The following NCKAP5 variants were observed in gnomAD, a reference collection of about 807,000 sequenced individuals.
The protein encoded by NCKAP5 is nck-associated protein 5.
In NCKAP5, 92 loss-of-function variants were observed where a neutral mutation model predicts 167.0. That is an observed-to-expected ratio of 0.55 (90% confidence interval 0.47 to 0.66). The LOEUF is 0.66. Among genes scored for constraint, NCKAP5 ranks in the 30% least tolerant of loss-of-function variants. NCKAP5 has a pLI of 0.00. For missense variants in NCKAP5, 2,378 were observed against 2,315.0 expected, an observed-to-expected ratio of 1.03 and a Z score of -0.56; for synonymous variants, 891 against 877.4, an observed-to-expected ratio of 1.02 and a Z score of -0.27.
At chr2:133,597,669 G>A in the NCKAP5 span, among the ~76,000 whole-genome samples, 4,357 of 68,690 alleles carry the variant, frequency 0.063, 359 homozygotes, top group East Asian at 0.48. Flanking sequence ...GCAAGACTCT[G>A]TCTCAAAAAA....
intron 3 of NCKAP5, among the ~76,000 whole-genome samples, chr2:133,358,121 T>C (rs1186366981): frequency 1.3e-5 from 2 of 152,228 alleles, no homozygotes; most frequent in East Asian, 1.9e-4. Flanking sequence ...CCAATATAAG[T>C]CTGCATACAT....
At chr2:133,413,388 G>C (rs1297419775) in intron 3 of NCKAP5, among the ~76,000 whole-genome samples, 2 of 152,180 alleles carry the variant, frequency 1.3e-5, no homozygotes, top group Non-Finnish European at 2.9e-5. Context: ...CTAGGCTAAT[G>C]CTAGCCCTCA....
chr2:133,571,293 C>A (rs1455092731), upstream of NCKAP5, among the ~76,000 whole-genome samples: 1 of 152,084 alleles, frequency 6.6e-6, no homozygotes, highest in East Asian at 1.9e-4. Flanking sequence ...CCAGGTCATA[C>A]CTTCCCGAGG....
chr2:133,306,940 T>C (rs918105244), intron 3 of NCKAP5, among the ~76,000 whole-genome samples: 2 of 152,214 alleles, frequency 1.3e-5, no homozygotes, highest in African/African-American at 4.8e-5. Flanking sequence ...GCAAGCATCC[T>C]GTCATCTAGG....
intron 5 of NCKAP5, among the ~76,000 whole-genome samples, chr2:133,144,892 T>G (rs2083132175): frequency 6.6e-6 from 1 of 152,094 alleles, no homozygotes; most frequent in Admixed American, 6.6e-5. Flanking sequence ...ACAAGTCACT[T>G]TAACTCAACA....
At position 133,006,564 on chromosome 2, in the gene NCKAP5, A is replaced by T. The variant is rs369694475; in HGVS notation, c.342-12325T>A. ...GACTAAACTTGATTCTCACTGGCAA[A>T]CTCACTCTAAATCTGATTCCCATTT... is the stretch of plus-strand genomic sequence containing the variant. On this transcript the variant is annotated intron_variant, in intron 6 of 19. Transcript: ENST00000409261. Among the ~76,000 whole-genome samples, 102 of 152,114 alleles carry T rather than the reference A, an allele frequency of 6.7e-4. 1 individual carries two copies. Among genetic ancestry groups the T allele is most frequent in the Middle Eastern group, 3.4e-3 (1 of 294 alleles).
At chr2:133,368,946 GT>G (rs1262135915) in intron 3 of NCKAP5, among the ~76,000 whole-genome samples, 3 of 152,162 alleles carry the variant, frequency 2.0e-5, no homozygotes, top group African/African-American at 7.2e-5. Flanking sequence ...CTTTGAAAAG[GT>G]TAAGGTCAGG....
intron 3 of NCKAP5, among the ~76,000 whole-genome samples, chr2:133,508,805 A>G (rs1683242475): frequency 6.6e-6 from 1 of 152,260 alleles, no homozygotes; most frequent in Non-Finnish European, 1.5e-5. Flanking sequence ...AATGACAAAC[A>G]GATCTTGGAG....
chr2:133,117,841 C>T (rs777184962), intron 6 of NCKAP5: 25 of 152,178 alleles, frequency 1.6e-4, no homozygotes, highest in Non-Finnish European at 3.1e-4. Flanking sequence ...ATTCATAAGA[C>T]TCACACTGCA....
intron 6 of NCKAP5, among the ~76,000 whole-genome samples, chr2:132,999,902 A>T (rs2077724101): frequency 6.6e-6 from 1 of 152,198 alleles, no homozygotes; most frequent in Non-Finnish European, 1.5e-5. Context: ...GAAAACAAGA[A>T]GCCACTCAAG....
At chr2:133,225,114 A>G (rs1381124700) in intron 4 of NCKAP5, among the ~76,000 whole-genome samples, 1 of 152,200 alleles carries the variant, frequency 6.6e-6, no homozygotes, top group Non-Finnish European at 1.5e-5. Context: ...TATGTCTGAC[A>G]ATTAAGACAA....
In NCKAP5 at chr2:132,942,376, T is replaced by C. The variant is rs558800312; in HGVS notation, c.579+21344A>G. 2.7e-4 allele frequency among the ~76,000 whole-genome samples: 41 copies of C among 152,228 alleles called. No homozygotes were observed. In the Middle Eastern group the frequency reaches 0.01, roughly 38 times the overall value. ...GTCTCTGATTCTGTGGGGCTGAGGT[T>C]GGGCCTGAGACTCTGCATTTCTGAC... On this transcript the variant is annotated intron_variant, in intron 8 of 19. Coordinates refer to ENST00000409261, the MANE Select transcript of NCKAP5 (RefSeq NM_207363.3).
At chr2:132,862,163 A>G (rs1382641659) in intron 10 of NCKAP5, among the ~76,000 whole-genome samples, 4 of 152,234 alleles carry the variant, frequency 2.6e-5, no homozygotes, top group East Asian at 3.9e-4. Context: ...TAGGAGTCAC[A>G]GAGTTACCTG....
chr2:133,107,123 C>T (rs949088593), intron 6 of NCKAP5, among the ~76,000 whole-genome samples: 3 of 152,150 alleles, frequency 2.0e-5, no homozygotes, highest in Non-Finnish European at 2.9e-5. Context: ...ATCATCTAAA[C>T]GCTCTTCTGC....
At chr2:133,368,747 T>C (rs188324013) in intron 3 of NCKAP5, among the ~76,000 whole-genome samples, 6 of 152,332 alleles carry the variant, frequency 3.9e-5, no homozygotes, top group Admixed American at 2.6e-4. Context: ...TAACAAACAT[T>C]ACAAGATGCT....
At chr2:133,000,940 G>A (rs191148726) in intron 6 of NCKAP5, among the ~76,000 whole-genome samples, 2 of 152,254 alleles carry the variant, frequency 1.3e-5, no homozygotes, top group Admixed American at 6.5e-5. Context: ...TTAGTCTATG[G>A]TGGAAAATTT....
At chr2:132,756,611 A>AC (rs1403915871) in intron 16 of NCKAP5, among the ~76,000 whole-genome samples, 5 of 152,232 alleles carry the variant, frequency 3.3e-5, no homozygotes, top group African/African-American at 1.2e-4. Flanking sequence ...CTTTTAAAAA[A>AC]AAATTTAGGT....
At chr2:133,260,183 G>A (rs1299364168) in intron 4 of NCKAP5, among the ~76,000 whole-genome samples, 2 of 152,126 alleles carry the variant, frequency 1.3e-5, no homozygotes, top group Non-Finnish European at 2.9e-5. Context: ...GTTGCCAAAT[G>A]TTCAATATTA....
intron 2 of NCKAP5, among the ~76,000 whole-genome samples, chr2:133,518,945 A>G (rs1306621900): frequency 1.3e-5 from 2 of 152,224 alleles, no homozygotes; most frequent in African/African-American, 4.8e-5. Context: ...AAACATAGAC[A>G]TTGTACTGCT....
Sources: gnomAD v4.1 joint callset for allele counts (sites outside exome capture counted in the v4.1 genomes callset) on GRCh38, gnomAD v4.1.1 for gene constraint, MANE v1.5 for transcripts, NCBI Gene and HGNC (gene_info 2026-07-23, HGNC 2026-07-21) for gene names.